AGBL4: variants seen among roughly 807,000 people sequenced by gnomAD.
The protein encoded by AGBL4 is AGBL carboxypeptidase 4.
Under a neutral mutation model 66.4 loss-of-function variants are expected in AGBL4, and 58 were observed. That is an observed-to-expected ratio of 0.87 (90% CI 0.71 to 1.09). The LOEUF (loss-of-function observed/expected upper bound fraction) is 1.09, where lower values mean the gene tolerates loss of function less well. Among genes scored for constraint, AGBL4 ranks in the 50% least tolerant of loss-of-function variants. AGBL4 has a pLI of 0.00. For missense variants in AGBL4, 579 were observed against 631.0 expected, an observed-to-expected ratio of 0.92 and a Z score of 0.88; for synonymous variants, 234 against 222.9, an observed-to-expected ratio of 1.05 and a Z score of -0.44.
intron 6 of AGBL4, among the ~76,000 whole-genome samples, chr1:48,716,652 T>C (rs1235971349): frequency 6.6e-6 from 1 of 152,184 alleles, no homozygotes; most frequent in African/African-American, 2.4e-5. Flanking sequence ...ATCAATTTTA[T>C]GTGTCCACAA....
chr1:48,969,408 C>T (rs1386577642), intron 5 of AGBL4, among the ~76,000 whole-genome samples: 1 of 152,144 alleles, frequency 6.6e-6, no homozygotes, highest in Non-Finnish European at 1.5e-5. Context: ...TAATTGGCTA[C>T]TTTATTCCTC....
intron 8 of AGBL4, among the ~76,000 whole-genome samples, chr1:48,637,225 T>A (rs1645681626): frequency 6.6e-6 from 1 of 152,242 alleles, no homozygotes; most frequent in Non-Finnish European, 1.5e-5. Flanking sequence ...GTGAATGACA[T>A]GGACTAATAG....
chr1:49,528,802 T>A (rs942668474), intron 3 of AGBL4, among the ~76,000 whole-genome samples: 2 of 152,106 alleles, frequency 1.3e-5, no homozygotes, highest in Non-Finnish European at 2.9e-5. Context: ...AAAGAGAATG[T>A]ACAAAGCAAG....
intron 3 of AGBL4, among the ~76,000 whole-genome samples, chr1:49,361,962 C>T (rs1481589155): frequency 6.6e-6 from 1 of 152,134 alleles, no homozygotes; most frequent in Non-Finnish European, 1.5e-5. Context: ...TATATCAAAA[C>T]AGATCTCTTT....
intron 6 of AGBL4, among the ~76,000 whole-genome samples, chr1:48,758,123 AC>A (rs747258234): frequency 2.6e-5 from 4 of 152,166 alleles, no homozygotes; most frequent in Non-Finnish European, 4.4e-5. Context: ...CAATATAAGA[AC>A]CTATTAAGTT....
intron 1 of AGBL4, among the ~76,000 whole-genome samples, chr1:49,938,326 A>G (rs1203457509): frequency 6.6e-6 from 1 of 152,152 alleles, no homozygotes; most frequent in African/African-American, 2.4e-5. Flanking sequence ...TAGACCAATA[A>G]CAGGCTCTGA....
chr1:49,204,697 A>G (rs1647992040), intron 4 of AGBL4, among the ~76,000 whole-genome samples: 1 of 152,118 alleles, frequency 6.6e-6, no homozygotes, highest in Non-Finnish European at 1.5e-5. Context: ...TCCTCCCTAG[A>G]TGCTACATTT....
At chr1:48,683,047 T>C (rs1245673528) in intron 6 of AGBL4, among the ~76,000 whole-genome samples, 1 of 152,224 alleles carries the variant, frequency 6.6e-6, no homozygotes, top group Non-Finnish European at 1.5e-5. Context: ...ACAGTGGGTT[T>C]AGACACAGGC....
intron 3 of AGBL4, among the ~76,000 whole-genome samples, chr1:49,661,365 C>A (rs142166101): frequency 4.1e-4 from 62 of 152,138 alleles, no homozygotes; most frequent in African/African-American, 1.4e-3. Flanking sequence ...TAGTGGGAGG[C>A]GTTTGGGTCA....
chr1:49,065,879 T>TCCTC (rs2147921780), intron 4 of AGBL4, among the ~76,000 whole-genome samples: 1 of 152,268 alleles, frequency 6.6e-6, no homozygotes, highest in East Asian at 1.9e-4. Flanking sequence ...GAATCCTAGT[T>TCCTC]CTAGGTGTGG....
intron 6 of AGBL4, among the ~76,000 whole-genome samples, chr1:48,712,023 A>T (rs1267750781): frequency 2.6e-5 from 4 of 151,300 alleles, no homozygotes; most frequent in African/African-American, 9.7e-5. Context: ...TCTCAGTCAT[A>T]CTCGCTCTGG....
intron 11 of AGBL4, among the ~76,000 whole-genome samples, chr1:48,560,678 G>A (rs999353935): frequency 5.3e-5 from 8 of 152,212 alleles, no homozygotes; most frequent in African/African-American, 1.7e-4. Context: ...TGGTTTCACA[G>A]TGATGTTGAA....
At chr1:48,571,279 C>T (rs1340656541) in intron 11 of AGBL4, among the ~76,000 whole-genome samples, 1 of 152,246 alleles carries the variant, frequency 6.6e-6, no homozygotes, top group African/African-American at 2.4e-5. Context: ...AGTTCCCAAC[C>T]ACTGAGCCAC....
intron 11 of AGBL4, among the ~76,000 whole-genome samples, chr1:48,562,539 T>A (rs1444301732): frequency 1.3e-5 from 2 of 152,236 alleles, no homozygotes; most frequent in Non-Finnish European, 2.9e-5. Flanking sequence ...GTTCTGTTCA[T>A]ATCTTTTACT....
intron 8 of AGBL4, among the ~76,000 whole-genome samples, chr1:48,643,784 AGAGCCC>A (rs1645794746): frequency 2.2e-5 from 1 of 44,588 alleles, no homozygotes; most frequent in Non-Finnish European, 8.5e-5. Flanking sequence ...GAAAAGAAGC[AGAGCCC>A]GTTTGGGCCT....
At chr1:48,923,090 TTAAA>T (rs1557464820) in intron 5 of AGBL4, among the ~76,000 whole-genome samples, 1 of 149,316 alleles carries the variant, frequency 6.7e-6, no homozygotes, top group Non-Finnish European at 1.5e-5. Context: ...TAGAAAAAAA[TTAAA>T]AAAAATATAT....
chr1:49,422,315 C>G (rs545698852), intron 3 of AGBL4, among the ~76,000 whole-genome samples: 21 of 152,276 alleles, frequency 1.4e-4, no homozygotes, highest in African/African-American at 4.3e-4. Flanking sequence ...AACTGCTTCT[C>G]TGCACATCCT....
At chr1:49,605,230 G>A (rs552055009) in intron 3 of AGBL4, among the ~76,000 whole-genome samples, 1 of 152,184 alleles carries the variant, frequency 6.6e-6, no homozygotes. Context: ...AGAGTCAAAT[G>A]GTAAGAGAAT....
At position 48,640,408 on chromosome 1, in the gene AGBL4, G is replaced by T. The variant is rs540822510; in HGVS notation, c.840-5804C>A. 2.6e-5 allele frequency among the ~76,000 whole-genome samples: 4 copies of T among 152,252 alleles called. No individual in the cohort carries two copies. The East Asian group carries it at 7.7e-4, about 29-fold the overall frequency. ...AGAAGATTCAATATATTTATTGGAT[G>T]AATGAATGAGTGAACAGATTAACAA... On this transcript the variant is annotated intron_variant, in intron 8 of 13. Transcript: ENST00000371839.
Sources: allele counts gnomAD v4.1 joint callset (sites outside exome capture counted in the v4.1 genomes callset), GRCh38; gene constraint gnomAD v4.1.1; transcripts MANE v1.5; gene names NCBI Gene and HGNC (gene_info 2026-07-23, HGNC 2026-07-21).